Variants in TMEM132B observed in about 807,000 individuals in gnomAD.
TMEM132B encodes the protein transmembrane protein 132B.
In TMEM132B, 18 loss-of-function variants were observed where a neutral mutation model predicts 90.8. That is an observed-to-expected ratio of 0.20 (90% CI 0.14 to 0.29). TMEM132B has a LOEUF of 0.29. Among genes scored for constraint, TMEM132B ranks in the 10% least tolerant of loss-of-function variants. The pLI is 1.00. For missense variants in TMEM132B, 1,096 were observed against 1,326.8 expected (o/e 0.83, Z 2.70); for synonymous variants, 504 against 523.3 (o/e 0.96, Z 0.50).
intron 2 of TMEM132B, among the ~76,000 whole-genome samples, chr12:125,364,849 G>T (rs1206715198): frequency 1.3e-5 from 2 of 151,856 alleles, no homozygotes; most frequent in Non-Finnish European, 2.9e-5. Flanking sequence ...GTGTACTGAG[G>T]TTGTATCCTG....
At chr12:125,237,712 G>A (rs548686729) in intron 1 of TMEM132B, among the ~76,000 whole-genome samples, 1 of 152,328 alleles carries the variant, frequency 6.6e-6, no homozygotes, top group East Asian at 1.9e-4. Flanking sequence ...GCCTCCCAAA[G>A]TGCTGGGATT....
At chr12:125,195,160 C>T (rs925874730) in intron 1 of TMEM132B, among the ~76,000 whole-genome samples, 2 of 152,010 alleles carry the variant, frequency 1.3e-5, no homozygotes, top group Non-Finnish European at 2.9e-5. Flanking sequence ...TTGTCTTCTC[C>T]GAGACATTTT....
intron 5 of TMEM132B, among the ~76,000 whole-genome samples, chr12:125,602,689 C>G (rs536467603): frequency 6.6e-6 from 1 of 152,222 alleles, no homozygotes; most frequent in East Asian, 1.9e-4. Flanking sequence ...TGTTTGTAGA[C>G]GACATGATTC....
intron 3 of TMEM132B, among the ~76,000 whole-genome samples, chr12:125,504,330 T>G (rs528972621): frequency 6.6e-6 from 1 of 152,338 alleles, no homozygotes; most frequent in Non-Finnish European, 1.5e-5. Flanking sequence ...CTGTTTGGAT[T>G]TGTTTTTTTA....
intron 5 of TMEM132B, among the ~76,000 whole-genome samples, chr12:125,619,432 T>C (rs1886069044): frequency 6.6e-6 from 1 of 152,014 alleles, no homozygotes; most frequent in Admixed American, 6.6e-5. Context: ...TGACACGATC[T>C]CGGCTCACTG....
chr12:125,415,811 C>CA lies in TMEM132B; in HGVS notation c.1106+135dup. On this transcript the variant is annotated intron_variant, in intron 3 of 8. Transcript: ENST00000682704. The surrounding 1 kb of genome is among the most constrained non-coding windows in gnomAD (Gnocchi z 5.3). The stretch of plus-strand genomic sequence containing the variant: ...AATGAGAAATGATTTTTGAGGTCGG[C>CA]AGTCTCAAAAATCACCAGAGTTCAC... 6 of 1,223,866 alleles carry CA rather than the reference C, an allele frequency of 4.9e-6. No homozygotes were observed. The South Asian group carries it at 1.3e-4, about 27-fold the overall frequency. The allele number at this position is 1,223,866 out of a possible 1,614,324, so 75.8% of individuals were successfully genotyped here. A position where few individuals can be genotyped will look rare whatever the true frequency, so the allele number is the denominator to read the frequency against.
intron 3 of TMEM132B, among the ~76,000 whole-genome samples, chr12:125,421,584 G>A (rs1880169023): frequency 6.6e-6 from 1 of 152,124 alleles, no homozygotes; most frequent in African/African-American, 2.4e-5. Flanking sequence ...ATGAGATCTG[G>A]GTGAGGACAC....
chr12:125,196,579 C>T (rs1872931252), intron 1 of TMEM132B, among the ~76,000 whole-genome samples: 1 of 152,282 alleles, frequency 6.6e-6, no homozygotes, highest in African/African-American at 2.4e-5. Flanking sequence ...CATGGTGGTA[C>T]ATGCCTGTGG....
intron 3 of TMEM132B, among the ~76,000 whole-genome samples, chr12:125,465,558 T>C (rs1278340510): frequency 6.6e-6 from 1 of 152,198 alleles, no homozygotes; most frequent in Non-Finnish European, 1.5e-5. Flanking sequence ...CTGGTTTACA[T>C]TATTGCAGGC....
At position 125,656,260 on chromosome 12, in the gene TMEM132B, G is replaced by C. The variant is rs1413294527; in HGVS notation, c.*1550G>C. Reference sequence around the variant, plus strand: ...AGCCATTTGCATCTCTAAGAAATATGATTTTAAAGGCCCAAAGTAGGAAGG... The same window carrying C: ...AGCCATTTGCATCTCTAAGAAATATCATTTTAAAGGCCCAAAGTAGGAAGG... On this transcript the variant is annotated 3_prime_UTR_variant, in exon 9 of 9. Coordinates refer to ENST00000682704, the MANE Select transcript of TMEM132B (RefSeq NM_001366854.1). 2 of 152,154 alleles carry C rather than the reference G, an allele frequency of 1.3e-5. No homozygotes were observed. The highest frequency in any genetic ancestry group is 4.8e-5 in the African/African-American group (2 of 41,432). The allele number at this position is 152,154 out of a possible 1,614,324, so 9.4% of individuals were successfully genotyped here. A position where few individuals can be genotyped will look rare whatever the true frequency, so the allele number is the denominator to read the frequency against.
intron 3 of TMEM132B, among the ~76,000 whole-genome samples, chr12:125,487,908 T>C (rs967510384): frequency 3.9e-5 from 6 of 152,206 alleles, no homozygotes; most frequent in Admixed American, 6.5e-5. Flanking sequence ...ATATATATCA[T>C]GTGATCATAT....
At chr12:125,192,850 A>G (rs1872829630) in intron 1 of TMEM132B, among the ~76,000 whole-genome samples, 1 of 152,186 alleles carries the variant, frequency 6.6e-6, no homozygotes, top group Non-Finnish European at 1.5e-5. Flanking sequence ...ATAAATTGGG[A>G]GATCTTGGAA....
At chr12:125,603,859 T>G (rs959733366) in intron 5 of TMEM132B, among the ~76,000 whole-genome samples, 2 of 152,218 alleles carry the variant, frequency 1.3e-5, no homozygotes, top group Admixed American at 6.5e-5. Context: ...TCAACATCAC[T>G]GATCATTAGA....
chr12:125,477,402 C>T (rs1313365019), intron 3 of TMEM132B, among the ~76,000 whole-genome samples: 1 of 152,156 alleles, frequency 6.6e-6, no homozygotes, highest in Non-Finnish European at 1.5e-5. Flanking sequence ...CTCTCTCTGG[C>T]TCAATCCACC....
intron 4 of TMEM132B, among the ~76,000 whole-genome samples, chr12:125,551,728 T>C (rs901862474): frequency 2.6e-5 from 4 of 152,332 alleles, no homozygotes; most frequent in Non-Finnish European, 4.4e-5. Flanking sequence ...CAGTCTTTTA[T>C]TCTCTCTTAT....
At chr12:125,403,599 C>T (rs1231025355) in intron 2 of TMEM132B, among the ~76,000 whole-genome samples, 1 of 152,128 alleles carries the variant, frequency 6.6e-6, no homozygotes, top group Non-Finnish European at 1.5e-5. Flanking sequence ...TTAAATTGTT[C>T]TAACAAAGAT....
chr12:125,499,442 T>G (rs1426885861), intron 3 of TMEM132B, among the ~76,000 whole-genome samples: 2 of 152,224 alleles, frequency 1.3e-5, no homozygotes, highest in South Asian at 4.1e-4. Flanking sequence ...ACTGCCAGAA[T>G]GAGCCAACAG....
rs1555248848 is a variant in TMEM132B, at chr12:125,432,511, G to GTGTGTATATA, written c.1106+16835_1106+16836insGTGTATATAT. ...TGTATGTGTATATATATGTGTGTGT[G>GTGTGTATATA]TATATATATATATATATAGAGAGAG... On this transcript the variant is annotated intron_variant, in intron 3 of 8. Transcript: ENST00000682704. 7.5e-4 allele frequency among the ~76,000 whole-genome samples: 14 copies of GTGTGTATATA among 18,552 alleles called. 3 individuals are homozygous for GTGTGTATATA. Among genetic ancestry groups the GTGTGTATATA allele is most frequent in the African/African-American group, 2.9e-3 (9 of 3,106 alleles). The allele number at this position is 18,552 out of a possible 152,430, so 12.2% of individuals were successfully genotyped here.
chr12:125,448,297 C>T lies in TMEM132B; in HGVS notation c.1106+32620C>T, dbSNP rs534406882. On this transcript the variant is annotated intron_variant, in intron 3 of 8. Coordinates refer to ENST00000682704, the MANE Select transcript of TMEM132B (RefSeq NM_001366854.1). ...ATGAGTTTTGACAAATTTATTCACCCAACTAATCACCATCAACTAGATGCA... is the reference window on the plus strand; with the variant it reads ...ATGAGTTTTGACAAATTTATTCACCTAACTAATCACCATCAACTAGATGCA... Among the ~76,000 whole-genome samples the T allele has an allele frequency of 2.3e-3, 347 of 152,174 alleles. 1 individual carries two copies. The highest frequency in any genetic ancestry group is 3.9e-3 in the Admixed American group (59 of 15,278).
Sources: gnomAD v4.1 joint callset for allele counts (sites outside exome capture counted in the v4.1 genomes callset) on GRCh38, gnomAD v4.1.1 for gene constraint, Gnocchi (gnomAD v3.1) non-coding constraint, MANE v1.5 for transcripts, NCBI Gene and HGNC (gene_info 2026-07-23, HGNC 2026-07-21) for gene names.